Variants in SLC9A2 observed in about 807,000 individuals in gnomAD.
The protein encoded by SLC9A2 is solute carrier family 9 member A2.
A neutral mutation model predicts 71.7 loss-of-function variants in SLC9A2; 42 were observed. The ratio of observed to expected loss-of-function variants is 0.59; its 90% CI spans 0.46 to 0.76. SLC9A2 has a LOEUF of 0.76. SLC9A2 is among the 30% of genes least tolerant of loss of function. The pLI is 0.00. For synonymous variants in SLC9A2, 396 were observed against 392.5 expected, an observed-to-expected ratio of 1.01 and a Z score of -0.10; for missense variants, 829 against 1,017.4, an observed-to-expected ratio of 0.81 and a Z score of 2.52.
At chr2:102,646,785 A>ATATATATATATATATATATATATC (rs1558706172) in intron 1 of SLC9A2, among the ~76,000 whole-genome samples, 4 of 148,150 alleles carry the variant, frequency 2.7e-5, no homozygotes, top group African/African-American at 1.0e-4. Flanking sequence ...ATATATATAT[A>ATATATATATATATATATATATATC]TATATCTCCA....
intron 1 of SLC9A2, among the ~76,000 whole-genome samples, chr2:102,657,309 T>C (rs1676962768): frequency 6.6e-6 from 1 of 152,192 alleles, no homozygotes; most frequent in Non-Finnish European, 1.5e-5. Context: ...ATAAAATCTG[T>C]ACAATGTAGA....
intron 3 of SLC9A2, among the ~76,000 whole-genome samples, 160 bp from the exon 4 acceptor site, chr2:102,683,101 G>A (rs1273874442): frequency 4.6e-5 from 7 of 152,122 alleles, no homozygotes; most frequent in Non-Finnish European, 8.8e-5. Context: ...CAGGATTTCC[G>A]AGGTTTGCAT....
chr2:102,665,662 T>C (rs1677120208), intron 3 of SLC9A2, among the ~76,000 whole-genome samples: 1 of 148,198 alleles, frequency 6.7e-6, no homozygotes, highest in Non-Finnish European at 1.5e-5. Context: ...TAGTCCCAGC[T>C]ACTCGGGAGG....
chr2:102,651,351 G>T (rs1272305878), intron 1 of SLC9A2, among the ~76,000 whole-genome samples: 1 of 152,154 alleles, frequency 6.6e-6, no homozygotes, highest in African/African-American at 2.4e-5. Flanking sequence ...GCAGGCTCTA[G>T]CATTTTTCTG....
chr2:102,624,580 G>A (rs773927818), intron 1 of SLC9A2, among the ~76,000 whole-genome samples: 6 of 152,188 alleles, frequency 3.9e-5, no homozygotes, highest in Non-Finnish European at 4.4e-5. Flanking sequence ...GTACCTTGCT[G>A]TGTAAAGTAA....
chr2:102,660,020 A>G (rs1479707224), intron 2 of SLC9A2, among the ~76,000 whole-genome samples: 1 of 152,130 alleles, frequency 6.6e-6, no homozygotes, highest in Non-Finnish European at 1.5e-5. Flanking sequence ...CTCTGATCAA[A>G]TTTTTATTCA....
intron 1 of SLC9A2, among the ~76,000 whole-genome samples, chr2:102,627,912 T>G (rs1319770853): frequency 6.6e-6 from 1 of 152,154 alleles, no homozygotes; most frequent in Non-Finnish European, 1.5e-5. Flanking sequence ...TCTGCTGGTA[T>G]TTTTATGAAT....
At chr2:102,664,999 G>A in intron 2 of SLC9A2, 101 bp from the exon 3 acceptor site, 1 of 1,254,786 alleles carries the variant, frequency 8.0e-7, no homozygotes, top group Non-Finnish European at 1.1e-6. Context: ...GTACACAGAA[G>A]AAATGTCCTT....
At chr2:102,655,982 C>A (rs1260464729) in intron 1 of SLC9A2, among the ~76,000 whole-genome samples, 2 of 152,220 alleles carry the variant, frequency 1.3e-5, no homozygotes, top group African/African-American at 4.8e-5. Context: ...GCCCTCATGG[C>A]CTAATCACCC....
At chr2:102,655,757 C>A (rs1676927573) in intron 1 of SLC9A2, among the ~76,000 whole-genome samples, 1 of 152,202 alleles carries the variant, frequency 6.6e-6, no homozygotes, top group African/African-American at 2.4e-5. Flanking sequence ...AAGACCACAA[C>A]TGGATAATTT....
intron 1 of SLC9A2, among the ~76,000 whole-genome samples, chr2:102,640,546 A>C (rs1157872955): frequency 1.3e-5 from 2 of 152,204 alleles, no homozygotes; most frequent in African/African-American, 4.8e-5. Flanking sequence ...ACTGGTTGTT[A>C]TAAAGGGATA....
chr2:102,710,464 T>G lies in SLC9A2; in HGVS notation c.*1975T>G, dbSNP rs1464895679. ...ATAACTATTATAAAGAGTTTAACTT[T>G]CTGGAACTGAAGGAGAAAACATGAA... is the stretch of plus-strand genomic sequence containing the variant. On this transcript the variant is annotated 3_prime_UTR_variant, in exon 12 of 12. Transcript: ENST00000233969. 1.3e-5 allele frequency: 2 copies of G among 152,266 alleles called. No homozygotes were observed. The highest frequency in any genetic ancestry group is 2.9e-5 in the Non-Finnish European group (2 of 68,022). 9.4% of individuals were successfully genotyped at this position (152,266 alleles called of 1,614,324 possible). A position where few individuals can be genotyped will look rare whatever the true frequency, so the allele number is the denominator to read the frequency against.
intron 3 of SLC9A2, among the ~76,000 whole-genome samples, chr2:102,673,877 C>T (rs1171753062): frequency 6.6e-6 from 1 of 151,726 alleles, no homozygotes; most frequent in African/African-American, 2.4e-5. Context: ...AGCTCCGCCT[C>T]CTGGGTCCAT....
rs531471031 is a variant in SLC9A2, at chr2:102,673,329, A to G, written c.1004+7979A>G. Among the ~76,000 whole-genome samples, 19 of 152,354 alleles carry G rather than the reference A, an allele frequency of 1.2e-4. No homozygotes were observed. In the East Asian group the frequency reaches 3.3e-3, roughly 26 times the overall value. ...GTACTTGACTGGCTTATGAAAATCA[A>G]TTCACTGCATTCTTAGAATATTTAG... On this transcript the variant is annotated intron_variant, in intron 3 of 11. Coordinates refer to ENST00000233969, the MANE Select transcript of SLC9A2 (RefSeq NM_003048.6).
chr2:102,638,368 A>T (rs1386062286), intron 1 of SLC9A2, among the ~76,000 whole-genome samples: 2 of 152,240 alleles, frequency 1.3e-5, no homozygotes, highest in Non-Finnish European at 2.9e-5. Context: ...TTACAAAAAG[A>T]CAAATAAATA....
intron 11 of SLC9A2, among the ~76,000 whole-genome samples, chr2:102,707,559 C>A (rs1678006507): frequency 6.6e-6 from 1 of 152,190 alleles, no homozygotes; most frequent in Admixed American, 6.5e-5. Context: ...TGTCTCCTCC[C>A]TTTGTTTGCA....
chr2:102,634,795 G>C (rs1011794256), intron 1 of SLC9A2, among the ~76,000 whole-genome samples: 1 of 152,012 alleles, frequency 6.6e-6, no homozygotes, highest in East Asian at 1.9e-4. Context: ...TTCTTGTCTT[G>C]GAAAATGAAA....
rs1677866517 is a variant in SLC9A2, at chr2:102,701,152, A to T, written c.1669A>T (p.Lys557Ter). ...QPKSSIVSLY[K>*]KLEIKHAIEM... ...AAAGTCAAGTATTGTATCTTTATAT[A>T]AAAAGCTTGAAATAAAACATGCCAT... Residue 557 changes from lysine to a stop codon, truncating the protein, a stop_gained, in exon 8 of 12, where the codon AAA (lysine) becomes TAA (stop). Coordinates refer to ENST00000233969, the MANE Select transcript of SLC9A2 (RefSeq NM_003048.6). LOFTEE classifies it high-confidence loss of function. 1 of 1,611,528 alleles carries T rather than the reference A, an allele frequency of 6.2e-7. No homozygotes were observed.
intron 1 of SLC9A2, among the ~76,000 whole-genome samples, chr2:102,628,025 A>G (rs1385615048): frequency 6.6e-6 from 1 of 152,116 alleles, no homozygotes; most frequent in Non-Finnish European, 1.5e-5. Context: ...GAAACTCCTA[A>G]TAAGACAATT....
Sources: gnomAD v4.1 joint callset for allele counts (sites outside exome capture counted in the v4.1 genomes callset) on GRCh38, gnomAD v4.1.1 for gene constraint, MANE v1.5 for transcripts, NCBI Gene and HGNC (gene_info 2026-07-23, HGNC 2026-07-21) for gene names.